Variants in NEK11 observed in about 807,000 individuals in gnomAD.
The protein encoded by NEK11 is NIMA related kinase 11.
In NEK11, 72 loss-of-function variants were observed where a neutral mutation model predicts 80.7. The ratio of observed to expected loss-of-function variants is 0.89; its 90% CI spans 0.74 to 1.08. The LOEUF (loss-of-function observed/expected upper bound fraction) is 1.08, where lower values mean the gene tolerates loss of function less well. Among genes scored for constraint, NEK11 ranks in the 50% least tolerant of loss-of-function variants. The pLI is 0.00. For missense variants in NEK11, 764 were observed against 763.6 expected, an observed-to-expected ratio of 1.00 and a Z score of -0.01; for synonymous variants, 251 against 260.7, an observed-to-expected ratio of 0.96 and a Z score of 0.36.
chr3:131,269,573 G>T, intron 16 of NEK11, among the ~76,000 whole-genome samples: 1 of 152,158 alleles, frequency 6.6e-6, no homozygotes, highest in East Asian at 1.9e-4. Context: ...TGTCTAACCA[G>T]TCCCAATGAG....
intron 4 of NEK11, chr3:131,088,245 A>G (rs1444161528): frequency 1.3e-5 from 2 of 152,186 alleles, no homozygotes; most frequent in Non-Finnish European, 2.9e-5. Flanking sequence ...ATGTTTTTAT[A>G]TACCTAAACT....
intron 17 of NEK11, among the ~76,000 whole-genome samples, chr3:131,314,209 G>C (rs950991185): frequency 2.6e-5 from 4 of 151,966 alleles, no homozygotes; most frequent in African/African-American, 4.8e-5. Flanking sequence ...CCACGTTACT[G>C]TTTATCTTCT....
intron 17 of NEK11, among the ~76,000 whole-genome samples, chr3:131,275,522 C>T (rs2096277902): frequency 6.6e-6 from 1 of 152,090 alleles, no homozygotes; most frequent in Non-Finnish European, 1.5e-5. Context: ...CTTTCTGGCT[C>T]ACCTTTTTCA....
intron 3 of NEK11, among the ~76,000 whole-genome samples, chr3:131,035,154 G>T (rs77721624): frequency 0.014 from 2,101 of 152,228 alleles, 45 homozygotes; most frequent in African/African-American, 0.048. Flanking sequence ...TAAAGAAATG[G>T]CCCTCAAGTC....
At chr3:131,102,866 T>A (rs184504184) in intron 4 of NEK11, among the ~76,000 whole-genome samples, 42 of 152,330 alleles carry the variant, frequency 2.8e-4, no homozygotes, top group Non-Finnish European at 4.3e-4. Context: ...TATTCATTTT[T>A]AAAAATTATT....
chr3:131,179,791 G>A (rs1459051862), intron 14 of NEK11, among the ~76,000 whole-genome samples: 1 of 151,928 alleles, frequency 6.6e-6, no homozygotes, highest in African/African-American at 2.4e-5. Flanking sequence ...AAAATAGACG[G>A]CATATCATAA....
chr3:131,129,993 G>C (rs1290319623), intron 5 of NEK11, among the ~76,000 whole-genome samples: 1 of 152,098 alleles, frequency 6.6e-6, no homozygotes, highest in Non-Finnish European at 1.5e-5. Context: ...TTTGATTGGG[G>C]TTACATTGCA....
chr3:131,084,504 G>C (rs16835748), intron 4 of NEK11, among the ~76,000 whole-genome samples: 2,108 of 152,276 alleles, frequency 0.014, 45 homozygotes, highest in African/African-American at 0.049. Flanking sequence ...GATACTGCCT[G>C]AAAGTCTTCC....
chr3:131,324,469 T>C (rs1262147662), intron 17 of NEK11, among the ~76,000 whole-genome samples: 1 of 152,258 alleles, frequency 6.6e-6, no homozygotes, highest in Non-Finnish European at 1.5e-5. Context: ...AAAATTGTCC[T>C]TTGTAAATCT....
intron 14 of NEK11, among the ~76,000 whole-genome samples, chr3:131,213,864 A>G (rs2094720649): frequency 6.6e-6 from 1 of 152,120 alleles, no homozygotes; most frequent in African/African-American, 2.4e-5. Context: ...CCTAATCCCC[A>G]GTGGGATGAT....
At chr3:131,273,707 C>T (rs765209650) in intron 17 of NEK11, 133 bp downstream of exon 17, 33 of 616,916 alleles carry the variant, frequency 5.3e-5, no homozygotes, top group Non-Finnish European at 8.3e-5. Flanking sequence ...CTAAGCTGTT[C>T]CAACTTAGAA....
At chr3:131,230,398 A>G (rs2095307167) in intron 15 of NEK11, among the ~76,000 whole-genome samples, 1 of 152,208 alleles carries the variant, frequency 6.6e-6, no homozygotes, top group Admixed American at 6.5e-5. Flanking sequence ...TAATCTGTAA[A>G]GTGGGAGAAT....
chr3:131,167,826 C>T (rs984109772), intron 12 of NEK11, among the ~76,000 whole-genome samples: 3 of 152,202 alleles, frequency 2.0e-5, no homozygotes, highest in African/African-American at 7.2e-5. Context: ...CAGCAAGGAG[C>T]AAAGGGAGCA....
At chr3:131,263,600 A>G (rs1445540369) in intron 16 of NEK11, among the ~76,000 whole-genome samples, 2 of 152,090 alleles carry the variant, frequency 1.3e-5, no homozygotes, top group Non-Finnish European at 2.9e-5. Flanking sequence ...ACATTTTCTT[A>G]ATCCAGCCTA....
chr3:131,264,719 CT>C (rs1581105454), intron 16 of NEK11, among the ~76,000 whole-genome samples: 1 of 152,040 alleles, frequency 6.6e-6, no homozygotes, highest in East Asian at 1.9e-4. Flanking sequence ...TCCATATGAA[CT>C]TTAAAGTAGT....
rs190438069 is a variant in NEK11 at position 131,187,261 on chromosome 3, T to C, written c.1399+16374T>C. On this transcript the variant is annotated intron_variant, in intron 14 of 17. Coordinates refer to ENST00000383366, the MANE Select transcript of NEK11 (RefSeq NM_024800.5). ...ATAATTACACGTGGTTAGTGGATAC[T>C]GTGTTGGACAGCATACTTCTAGAAC... 3.5e-4 allele frequency among the ~76,000 whole-genome samples: 53 copies of C among 152,330 alleles called. 1 individual carries two copies. In the East Asian group the frequency reaches 0.01, roughly 29 times the overall value.
intron 17 of NEK11, among the ~76,000 whole-genome samples, chr3:131,297,192 G>A (rs1247270101): frequency 1.3e-5 from 2 of 151,604 alleles, no homozygotes; most frequent in Admixed American, 6.6e-5. Flanking sequence ...TGGGATGGCT[G>A]GGTCAAATGG....
At chr3:131,046,790 A>G (rs1015450129) in intron 3 of NEK11, among the ~76,000 whole-genome samples, 2 of 152,164 alleles carry the variant, frequency 1.3e-5, no homozygotes, top group Non-Finnish European at 2.9e-5. Context: ...TCTTTTTGCA[A>G]TGAATTACCT....
intron 17 of NEK11, among the ~76,000 whole-genome samples, chr3:131,318,587 G>A (rs889885997): frequency 6.6e-6 from 1 of 151,910 alleles, no homozygotes; most frequent in Non-Finnish European, 1.5e-5. Context: ...AATGCATACT[G>A]TCCTGGCATT....
Sources: allele counts gnomAD v4.1 joint callset (sites outside exome capture counted in the v4.1 genomes callset), GRCh38; gene constraint gnomAD v4.1.1; transcripts MANE v1.5; gene names NCBI Gene and HGNC (gene_info 2026-07-23, HGNC 2026-07-21).